Variants in NR3C2 observed in about 807,000 individuals in gnomAD.
NR3C2 encodes mineralocorticoid receptor.
A neutral mutation model predicts 86.4 loss-of-function variants in NR3C2; 15 were observed. The observed-to-expected ratio is 0.17, with a 90% CI of 0.12 to 0.27. The LOEUF (loss-of-function observed/expected upper bound fraction) is 0.27. NR3C2 is among the 10% of genes least tolerant of loss of function. The pLI is 1.00. For missense variants in NR3C2, 960 were observed against 1,195.6 expected, an observed-to-expected ratio of 0.80 and a Z score of 2.91; for synonymous variants, 458 against 450.5, an observed-to-expected ratio of 1.02 and a Z score of -0.21.
At chr4:148,162,780 G>A (rs1050214751) in intron 4 of NR3C2, among the ~76,000 whole-genome samples, 3 of 152,120 alleles carry the variant, frequency 2.0e-5, no homozygotes, top group African/African-American at 7.2e-5. Flanking sequence ...TCCCTGCCAG[G>A]GTGGGTGGAC....
intron 2 of NR3C2, among the ~76,000 whole-genome samples, chr4:148,324,303 T>A (rs10434129): frequency 0.18 from 26,805 of 151,946 alleles, 2,714 homozygotes; most frequent in African/African-American, 0.28. Flanking sequence ...CAGGACTTTT[T>A]TCTTTTTTAA....
intron 2 of NR3C2, among the ~76,000 whole-genome samples, chr4:148,383,317 A>G (rs1484488423): frequency 2.0e-5 from 3 of 152,286 alleles, no homozygotes; most frequent in African/African-American, 7.2e-5. Context: ...GAGGTGTTTT[A>G]TGTTTATATA....
chr4:148,414,141 C>T (rs1453453777), intron 2 of NR3C2, among the ~76,000 whole-genome samples: 1 of 152,196 alleles, frequency 6.6e-6, no homozygotes, highest in African/African-American at 2.4e-5. Context: ...TATCATCACA[C>T]ATAAAGCTCA....
At chr4:148,190,135 GT>G (rs1208090483) in intron 4 of NR3C2, among the ~76,000 whole-genome samples, 1 of 152,042 alleles carries the variant, frequency 6.6e-6, no homozygotes, top group Admixed American at 6.5e-5. Context: ...ACCTTAGATT[GT>G]TTGTGTTCTT....
chr4:148,397,185 G>A (rs72658619), intron 2 of NR3C2, among the ~76,000 whole-genome samples: 118 of 152,200 alleles, frequency 7.8e-4, no homozygotes, highest in African/African-American at 2.7e-3. Flanking sequence ...CCATTTCCCC[G>A]TGACCTGCTG....
At chr4:148,333,122 T>A (rs560380928) in intron 2 of NR3C2, among the ~76,000 whole-genome samples, 2 of 151,346 alleles carry the variant, frequency 1.3e-5, no homozygotes, top group East Asian at 1.9e-4. Context: ...AAAAAAAAAA[T>A]TAGCCAGGCA....
At chr4:148,176,926 T>G (rs1447345858) in intron 4 of NR3C2, among the ~76,000 whole-genome samples, 1 of 152,248 alleles carries the variant, frequency 6.6e-6, no homozygotes, top group Non-Finnish European at 1.5e-5. Flanking sequence ...TATTTCACAT[T>G]AGTACGCTGA....
At chr4:148,168,679 C>A (rs1734990543) in intron 4 of NR3C2, among the ~76,000 whole-genome samples, 1 of 152,238 alleles carries the variant, frequency 6.6e-6, no homozygotes, top group African/African-American at 2.4e-5. Flanking sequence ...GGCCATCCAA[C>A]AACCACTGTA....
chr4:148,186,051 T>C (rs532653609), intron 4 of NR3C2, among the ~76,000 whole-genome samples: 15 of 152,302 alleles, frequency 9.8e-5, no homozygotes, highest in Admixed American at 2.6e-4. Flanking sequence ...TTGCTCTCCA[T>C]AGGGGTTGTA....
At chr4:148,390,154 T>C (rs943242355) in intron 2 of NR3C2, among the ~76,000 whole-genome samples, 1 of 141,388 alleles carries the variant, frequency 7.1e-6, no homozygotes, top group African/African-American at 2.7e-5. Flanking sequence ...GCAGGAAATA[T>C]GATCAGGAAC....
At chr4:148,106,752 A>C (rs1731817546) in intron 8 of NR3C2, among the ~76,000 whole-genome samples, 2 of 152,154 alleles carry the variant, frequency 1.3e-5, no homozygotes, top group Non-Finnish European at 2.9e-5. Flanking sequence ...AAAAACAAGC[A>C]ATGGGGAAAG....
chr4:148,325,859 T>C (rs1384885392), intron 2 of NR3C2, among the ~76,000 whole-genome samples: 1 of 152,184 alleles, frequency 6.6e-6, no homozygotes, highest in Non-Finnish European at 1.5e-5. Context: ...TTGTTTTATT[T>C]TTTCCATTAA....
chr4:148,142,379 A>T (rs990879763), intron 6 of NR3C2, among the ~76,000 whole-genome samples: 1 of 152,070 alleles, frequency 6.6e-6, no homozygotes, highest in Admixed American at 6.5e-5. Flanking sequence ...GGACCTATAG[A>T]TCCTAGATCA....
chr4:148,114,241 T>C lies in NR3C2; in HGVS notation c.2662A>G (p.Ser888Gly). The C allele has an allele frequency of 6.2e-7, 1 of 1,614,002 alleles. No homozygotes were observed. The highest frequency in any genetic ancestry group is 8.5e-7 in the Non-Finnish European group (1 of 1,179,930). Residue 888 changes from serine (S) to glycine (G), a missense_variant, in exon 8 of 9, where the codon AGC becomes GGC. Ser to Gly is a moderately conservative substitution (Grantham distance 56, BLOSUM62 0). Coordinates refer to ENST00000358102, the MANE Select transcript of NR3C2 (RefSeq NM_000901.5). Reference protein sequence around the residue: ...LSTIPKDGLKSQAAFEEMRTN... With the variant: ...LSTIPKDGLKGQAAFEEMRTN... ...CTCATTTCTTCAAATGCAGCCTGGCTTTTGAGGCCATCCTTTGGAACTGTG... is the reference window on the plus strand; with the variant it reads ...CTCATTTCTTCAAATGCAGCCTGGCCTTTGAGGCCATCCTTTGGAACTGTG...
At chr4:148,102,794 G>T (rs1731597739) in intron 8 of NR3C2, among the ~76,000 whole-genome samples, 1 of 152,218 alleles carries the variant, frequency 6.6e-6, no homozygotes, top group Non-Finnish European at 1.5e-5. Flanking sequence ...CTAGCCACAT[G>T]TGGCTGTGGG....
chr4:148,095,473 C>G (rs540159732), intron 8 of NR3C2, among the ~76,000 whole-genome samples: 3 of 152,232 alleles, frequency 2.0e-5, no homozygotes. Flanking sequence ...ACAATGCCAT[C>G]GCTCAGCTGA....
At chr4:148,087,431 A>G (rs1001714571) in intron 8 of NR3C2, among the ~76,000 whole-genome samples, 1 of 152,244 alleles carries the variant, frequency 6.6e-6, no homozygotes, top group African/African-American at 2.4e-5. Flanking sequence ...AAGAGCCCGC[A>G]TAGCCAAGAT....
intron 3 of NR3C2, among the ~76,000 whole-genome samples, chr4:148,250,871 A>G (rs1739540791): frequency 2.0e-5 from 3 of 151,964 alleles, no homozygotes; most frequent in African/African-American, 7.3e-5. Flanking sequence ...AGTGCTGCCA[A>G]TTCCTCCTTT....
At chr4:148,253,168 T>C (rs1739657036) in intron 3 of NR3C2, among the ~76,000 whole-genome samples, 1 of 152,190 alleles carries the variant, frequency 6.6e-6, no homozygotes, top group Non-Finnish European at 1.5e-5. Flanking sequence ...CATAAGTAGT[T>C]ACCAACAACA....
Sources: allele counts gnomAD v4.1 joint callset (sites outside exome capture counted in the v4.1 genomes callset), GRCh38; gene constraint gnomAD v4.1.1; transcripts MANE v1.5; gene names NCBI Gene and HGNC (gene_info 2026-07-23, HGNC 2026-07-21).